RGS7: variants seen among roughly 807,000 people sequenced by gnomAD.
RGS7 encodes regulator of G protein signaling 7, also known as regulator of G-protein signaling 7.
RGS7 carries 27 observed loss-of-function variants against 81.1 expected under a neutral mutation model. The ratio of observed to expected loss-of-function variants is 0.33; its 90% CI spans 0.25 to 0.46. The LOEUF (loss-of-function observed/expected upper bound fraction) is 0.46, where lower values mean the gene tolerates loss of function less well. RGS7 is among the 20% of genes least tolerant of loss of function. RGS7 has a pLI of 1.00. For missense variants in RGS7, 396 were observed against 607.4 expected, an observed-to-expected ratio of 0.65 and a Z score of 3.66; for synonymous variants, 208 against 207.7, an observed-to-expected ratio of 1.00 and a Z score of -0.01.
chr1:240,982,922 A>G (rs1214438798), intron 4 of RGS7, among the ~76,000 whole-genome samples, 157 bp downstream of exon 4: 1 of 152,228 alleles, frequency 6.6e-6, no homozygotes, highest in African/African-American at 2.4e-5. Context: ...TGTTTTGACT[A>G]CCATAAAATT....
rs184083030 is a variant in RGS7, at chr1:240,833,041, T to C, written c.610-5869A>G. Reference sequence around the variant, plus strand: ...CTTATAAATTAGGAACAATAAGAAATTAACAACAATAACTAATAATAAAAT... The same window carrying C: ...CTTATAAATTAGGAACAATAAGAAACTAACAACAATAACTAATAATAAAAT... On this transcript the variant is annotated intron_variant, in intron 9 of 18. Transcript: ENST00000440928. Among the ~76,000 whole-genome samples, 96 of 152,082 alleles carry C rather than the reference T, an allele frequency of 6.3e-4. 2 individuals carry two copies. The East Asian group carries it at 0.017, about 28-fold the overall frequency.
chr1:240,979,013 G>A (rs529937769), intron 4 of RGS7, among the ~76,000 whole-genome samples: 55 of 152,188 alleles, frequency 3.6e-4, no homozygotes, highest in African/African-American at 1.2e-3. Flanking sequence ...AACAAGCAAC[G>A]AAATGGCAAT....
chr1:240,798,809 A>G (rs745797471), intron 18 of RGS7, among the ~76,000 whole-genome samples: 2 of 152,260 alleles, frequency 1.3e-5, no homozygotes, highest in South Asian at 2.1e-4. Context: ...TAGACTACAT[A>G]TTTGTTTACT....
At chr1:241,137,095 A>T (rs2067575776) in intron 2 of RGS7, among the ~76,000 whole-genome samples, 1 of 152,192 alleles carries the variant, frequency 6.6e-6, no homozygotes, top group African/African-American at 2.4e-5. Context: ...CTGTTTAGGC[A>T]TCATATCATC....
intron 6 of RGS7, among the ~76,000 whole-genome samples, chr1:240,889,977 C>G (rs68158308): frequency 0.1 from 15,536 of 152,188 alleles, 1,079 homozygotes; most frequent in Middle Eastern, 0.18. Flanking sequence ...AATTATCTCT[C>G]AGAGTTTCCA....
chr1:240,992,203 T>C (rs1011862726), intron 3 of RGS7, among the ~76,000 whole-genome samples: 4 of 152,202 alleles, frequency 2.6e-5, no homozygotes, highest in South Asian at 2.1e-4. Flanking sequence ...CACTTATGCA[T>C]AGTCAAAACT....
chr1:241,263,400 C>T (rs897582189), intron 2 of RGS7, among the ~76,000 whole-genome samples: 9 of 152,118 alleles, frequency 5.9e-5, no homozygotes, highest in South Asian at 2.1e-4. Context: ...ATGTAGTGCC[C>T]GGTTAGGAAC....
chr1:240,913,614 T>G (rs903475149), intron 6 of RGS7, among the ~76,000 whole-genome samples: 1 of 152,168 alleles, frequency 6.6e-6, no homozygotes, highest in African/African-American at 2.4e-5. Flanking sequence ...TTGTTGTTTT[T>G]TGTTTTTGCT....
chr1:241,329,773 G>A (rs1218919687), intron 2 of RGS7, among the ~76,000 whole-genome samples: 2 of 152,084 alleles, frequency 1.3e-5, no homozygotes, highest in African/African-American at 4.8e-5. Context: ...TGAAATCCTG[G>A]AAACATTTGA....
chr1:240,882,031 C>T (rs1483294527), intron 6 of RGS7, among the ~76,000 whole-genome samples: 1 of 152,046 alleles, frequency 6.6e-6, no homozygotes, highest in African/African-American at 2.4e-5. Context: ...TCTCCAGCCT[C>T]AGCCTCCCGA....
chr1:241,098,744 G>C lies in RGS7; in HGVS notation c.97C>G (p.Arg33Gly). 6.2e-7 allele frequency: 1 copy of C among 1,610,806 alleles called. No individual in the cohort carries two copies. The highest frequency in any genetic ancestry group is 8.5e-7 in the Non-Finnish European group (1 of 1,177,774). Reference sequence around the variant, plus strand: ...ATTCCATTTTTTTCATCTTGCATCCGTGCTATGACGTCTTCCATCTAAACA... The same window carrying C: ...ATTCCATTTTTTTCATCTTGCATCCCTGCTATGACGTCTTCCATCTAAACA... ...VYRKMEDVIA[R>G]MQDEKNGIPI... The change falls in exon 3 of 19, where the codon CGG becomes GGG. Residue 33 changes from arginine (R) to glycine (G), a missense_variant. Arg to Gly is a moderately radical substitution (Grantham distance 125, BLOSUM62 -2). Transcript: ENST00000440928.
intron 2 of RGS7, among the ~76,000 whole-genome samples, chr1:241,339,347 T>C (rs941262562): frequency 1.3e-5 from 2 of 152,222 alleles, no homozygotes; most frequent in African/African-American, 4.8e-5. Context: ...TTGCATATAA[T>C]AATTATTCAA....
At chr1:241,246,293 C>T (rs2076538185) in intron 2 of RGS7, among the ~76,000 whole-genome samples, 1 of 151,960 alleles carries the variant, frequency 6.6e-6, no homozygotes, top group Admixed American at 6.6e-5. Flanking sequence ...GGAAGGAAAC[C>T]TGGACTGATA....
intron 5 of RGS7, among the ~76,000 whole-genome samples, chr1:240,935,194 G>A (rs78084335): frequency 0.043 from 6,567 of 151,952 alleles, 142 homozygotes; most frequent in Non-Finnish European, 0.047. Context: ...CACTGTGCCC[G>A]GCCTCGGTGC....
Position 240,822,673 on chromosome 1 carries a change from TTACCCA to T in RGS7, c.684+4419_684+4424del, listed in dbSNP as rs1287326512. 8.5e-5 allele frequency among the ~76,000 whole-genome samples: 13 copies of T among 152,362 alleles called. No homozygotes were observed. In the Middle Eastern group the frequency reaches 0.01, roughly 120 times the overall value. On this transcript the variant is annotated intron_variant, in intron 10 of 18. Transcript: ENST00000440928. ...CATCTCAAACTAGTGATTTGTCTTC[TTACCCA>T]TACTTATATACATTTCACTTCCATC...
At chr1:240,936,980 C>T (rs1489778643) in intron 4 of RGS7, among the ~76,000 whole-genome samples, 2 of 152,122 alleles carry the variant, frequency 1.3e-5, no homozygotes, top group East Asian at 3.9e-4. Context: ...TCCTGGCTAC[C>T]CATTCTGTAA....
intron 6 of RGS7, among the ~76,000 whole-genome samples, chr1:240,904,320 T>C (rs147494261): frequency 6.6e-6 from 1 of 152,222 alleles, no homozygotes; most frequent in Non-Finnish European, 1.5e-5. Context: ...TGACATTTCT[T>C]AAAGTGCACT....
At chr1:241,161,789 C>G (rs2069706132) in intron 2 of RGS7, among the ~76,000 whole-genome samples, 1 of 150,686 alleles carries the variant, frequency 6.6e-6, no homozygotes, top group African/African-American at 2.4e-5. Context: ...ACCACCTCGG[C>G]TCACTGCAAC....
intron 9 of RGS7, among the ~76,000 whole-genome samples, chr1:240,859,024 A>T (rs1661661679): frequency 6.6e-6 from 1 of 152,086 alleles, no homozygotes; most frequent in Admixed American, 6.5e-5. Flanking sequence ...GGAGGTAGCC[A>T]CTCTGCTATT....
Sources: allele counts gnomAD v4.1 joint callset (sites outside exome capture counted in the v4.1 genomes callset), GRCh38; gene constraint gnomAD v4.1.1; transcripts MANE v1.5; gene names NCBI Gene and HGNC (gene_info 2026-07-23, HGNC 2026-07-21).